The following AMPH variants were observed in gnomAD, a reference collection of about 807,000 sequenced individuals.
The protein encoded by AMPH is amphiphysin.
AMPH carries 49 observed loss-of-function variants against 99.1 expected under a neutral mutation model. That is an observed-to-expected ratio of 0.49 (90% CI 0.39 to 0.63). The LOEUF is 0.63. AMPH is among the 20% of genes least tolerant of loss of function. AMPH has a pLI of 0.00. For missense variants in AMPH, 759 were observed against 863.4 expected, an observed-to-expected ratio of 0.88 and a Z score of 1.52; for synonymous variants, 314 against 317.3, an observed-to-expected ratio of 0.99 and a Z score of 0.11.
chr7:38,571,582 AG>A (rs1049387264), intron 1 of AMPH, among the ~76,000 whole-genome samples: 1 of 145,198 alleles, frequency 6.9e-6, no homozygotes, highest in African/African-American at 2.5e-5. Flanking sequence ...ATTTAAAACT[AG>A]AAAAAAGCTT....
intron 1 of AMPH, among the ~76,000 whole-genome samples, chr7:38,628,390 T>G (rs2129073646): frequency 6.6e-6 from 1 of 152,330 alleles, no homozygotes; most frequent in East Asian, 1.9e-4. Flanking sequence ...GCAATAAGTC[T>G]TCTTCTAGGA....
intron 1 of AMPH, among the ~76,000 whole-genome samples, 181 bp from the exon 2 acceptor site, chr7:38,535,192 A>C (rs1046466697): frequency 6.6e-6 from 1 of 152,018 alleles, no homozygotes; most frequent in Admixed American, 6.5e-5. Context: ...TGAACAAAAA[A>C]AAAAAACTGA....
intron 1 of AMPH, among the ~76,000 whole-genome samples, chr7:38,542,011 C>A (rs1402409448): frequency 6.6e-6 from 1 of 152,156 alleles, no homozygotes; most frequent in Non-Finnish European, 1.5e-5. Flanking sequence ...CCTTCCTAAC[C>A]CTTTCAATTT....
intron 5 of AMPH, among the ~76,000 whole-genome samples, chr7:38,479,780 A>G (rs1193754289): frequency 2.0e-5 from 3 of 152,150 alleles, no homozygotes; most frequent in Non-Finnish European, 4.4e-5. Context: ...CGTGCCCCAT[A>G]AATATGAACA....
intron 3 of AMPH, 137 bp downstream of exon 3, chr7:38,503,513 A>C: frequency 1.7e-6 from 1 of 577,930 alleles, no homozygotes; most frequent in Non-Finnish European, 3.0e-6. Context: ...TGGGTGGTGG[A>C]ATGGAACACC....
At chr7:38,620,916 C>G (rs1460173659) in intron 1 of AMPH, among the ~76,000 whole-genome samples, 4 of 152,180 alleles carry the variant, frequency 2.6e-5, no homozygotes, top group African/African-American at 9.7e-5. Context: ...GGGTAAAAAT[C>G]TGATCACACA....
chr7:38,555,071 G>A (rs1451542827), intron 1 of AMPH, among the ~76,000 whole-genome samples: 1 of 152,158 alleles, frequency 6.6e-6, no homozygotes, highest in African/African-American at 2.4e-5. Context: ...TTGAAGTGGT[G>A]AGCACAACTT....
chr7:38,406,203 T>A (rs1784979436), intron 17 of AMPH, among the ~76,000 whole-genome samples: 1 of 152,134 alleles, frequency 6.6e-6, no homozygotes, highest in African/African-American at 2.4e-5. Context: ...ACTTCTGGGA[T>A]ACAGCAACAG....
chr7:38,545,837 G>A (rs946919843), intron 1 of AMPH, among the ~76,000 whole-genome samples: 1 of 152,132 alleles, frequency 6.6e-6, no homozygotes, highest in South Asian at 2.1e-4. Flanking sequence ...AGCAGGATGT[G>A]CGTGATCACA....
chr7:38,463,955 G>A (rs1030061389), intron 9 of AMPH: 1 of 774,412 alleles, frequency 1.3e-6, no homozygotes, highest in African/African-American at 1.8e-5. Context: ...ATATTCAAAG[G>A]GCTGAGGAAA....
At chr7:38,397,953 G>A (rs1445222945) in intron 17 of AMPH, among the ~76,000 whole-genome samples, 1 of 152,004 alleles carries the variant, frequency 6.6e-6, no homozygotes, top group Admixed American at 6.6e-5. Context: ...AAACTACAAT[G>A]AGATCTCATC....
At chr7:38,473,192 G>A (rs557876575) in intron 7 of AMPH, among the ~76,000 whole-genome samples, 6 of 152,244 alleles carry the variant, frequency 3.9e-5, no homozygotes, top group Non-Finnish European at 7.4e-5. Context: ...TTTAAAAAGC[G>A]ATTAAGCAAT....
chr7:38,426,882 G>T, intron 15 of AMPH, 72 bp downstream of exon 15: 1 of 1,457,034 alleles, frequency 6.9e-7, no homozygotes, highest in Non-Finnish European at 9.6e-7. Flanking sequence ...GTGGCACAGA[G>T]AACCAAACCA....
intron 1 of AMPH, among the ~76,000 whole-genome samples, chr7:38,551,720 AGAG>A (rs1293072828): frequency 3.9e-5 from 6 of 152,168 alleles, no homozygotes; most frequent in Non-Finnish European, 8.8e-5. Flanking sequence ...TGCTAAGGAA[AGAG>A]GAGAGAGGAA....
At chr7:38,568,693 C>A (rs1791834811) in intron 1 of AMPH, among the ~76,000 whole-genome samples, 1 of 152,188 alleles carries the variant, frequency 6.6e-6, no homozygotes. Context: ...GCATAAGGGG[C>A]AGGCACAGAA....
At chr7:38,503,567 A>C in intron 3 of AMPH, 83 bp downstream of exon 3, 3 of 1,426,678 alleles carry the variant, frequency 2.1e-6, no homozygotes, top group South Asian at 2.3e-5. Flanking sequence ...ATGGCTTTGT[A>C]ATTAACACTC....
chr7:38,540,012 C>T (rs1322184879), intron 1 of AMPH, among the ~76,000 whole-genome samples: 1 of 152,144 alleles, frequency 6.6e-6, no homozygotes, highest in Non-Finnish European at 1.5e-5. Context: ...TTTCATTAAC[C>T]ACTCCTTTGG....
rs111536924 is a variant in AMPH, at chr7:38,405,763, C to T, written c.1399-11549G>A. ...CTGAGAAAAGAGATAGTCATCACTA[C>T]AATAATAATGGAGGACTTCAATACC... On this transcript the variant is annotated intron_variant, in intron 17 of 20. Transcript: ENST00000356264. 1.9e-4 allele frequency among the ~76,000 whole-genome samples: 29 copies of T among 152,208 alleles called. 1 individual carries two copies. In the Middle Eastern group the frequency reaches 0.01, roughly 54 times the overall value.
intron 1 of AMPH, among the ~76,000 whole-genome samples, chr7:38,572,735 C>T (rs1397481052): frequency 1.3e-5 from 2 of 152,206 alleles, no homozygotes; most frequent in Non-Finnish European, 2.9e-5. Flanking sequence ...TTTCTCACTT[C>T]CTCTGACCCT....
Sources: gnomAD v4.1 joint callset for allele counts (sites outside exome capture counted in the v4.1 genomes callset) on GRCh38, gnomAD v4.1.1 for gene constraint, MANE v1.5 for transcripts, NCBI Gene and HGNC (gene_info 2026-07-23, HGNC 2026-07-21) for gene names.